SORCS2: variants seen among roughly 807,000 people sequenced by gnomAD.
SORCS2 encodes the protein sortilin related VPS10 domain containing receptor 2.
SORCS2 carries 100 observed loss-of-function variants against 141.6 expected under a neutral mutation model. The ratio of observed to expected loss-of-function variants is 0.71; its 90% CI spans 0.60 to 0.83. The LOEUF (loss-of-function observed/expected upper bound fraction) is 0.83, where lower values mean the gene tolerates loss of function less well. SORCS2 is among the 40% of genes least tolerant of loss of function. The pLI, the probability that SORCS2 is intolerant of heterozygous loss-of-function variation, is 0.00. For missense variants in SORCS2, 1,646 were observed against 1,560.2 expected (o/e 1.05, Z -0.93); for synonymous variants, 789 against 676.9 (o/e 1.17, Z -2.57).
intron 2 of SORCS2, among the ~76,000 whole-genome samples, chr4:7,491,796 G>A (rs542191882): frequency 1.3e-5 from 2 of 152,210 alleles, no homozygotes; most frequent in Non-Finnish European, 2.9e-5. Context: ...AAGTGGGAGG[G>A]TGAGGGCTGG....
At chr4:7,620,051 TTCC>T (rs1363720509) in intron 3 of SORCS2, among the ~76,000 whole-genome samples, 3 of 121,464 alleles carry the variant, frequency 2.5e-5, no homozygotes, top group Non-Finnish European at 5.5e-5. Context: ...CTCCTCCTCC[TTCC>T]TCTTCCTCCT....
At chr4:7,639,670 TGTGTGA>T (rs1317799186) in intron 4 of SORCS2, among the ~76,000 whole-genome samples, 7 of 150,768 alleles carry the variant, frequency 4.6e-5, no homozygotes, top group Admixed American at 6.6e-5. Flanking sequence ...TGTGCAAATG[TGTGTGA>T]GTGTGAGGGT....
At chr4:7,523,053 C>G (rs924728400) in intron 2 of SORCS2, among the ~76,000 whole-genome samples, 12 of 150,252 alleles carry the variant, frequency 8.0e-5, no homozygotes, top group African/African-American at 2.5e-4. Flanking sequence ...TCCCTCCTTC[C>G]TCCCCTTCTC....
At chr4:7,702,634 G>C (rs1360747743) in intron 12 of SORCS2, among the ~76,000 whole-genome samples, 1 of 152,254 alleles carries the variant, frequency 6.6e-6, no homozygotes, top group African/African-American at 2.4e-5. Flanking sequence ...GTCCCTTGGG[G>C]ATCTGGTGGT....
intron 8 of SORCS2, among the ~76,000 whole-genome samples, chr4:7,671,262 C>T (rs1039690959): frequency 2.6e-5 from 4 of 151,836 alleles, no homozygotes; most frequent in Admixed American, 1.3e-4. Context: ...TCTAACTGGA[C>T]ATTAGACTCA....
chr4:7,193,617 C>T lies in SORCS2; in HGVS notation c.480+491C>T, dbSNP rs755328156. Among the ~76,000 whole-genome samples the T allele has an allele frequency of 1.3e-5, 2 of 152,204 alleles. No individual in the cohort carries two copies. Among genetic ancestry groups the T allele is most frequent in the East Asian group, 1.9e-4 (1 of 5,174 alleles). Reference sequence around the variant, plus strand: ...GGCTCCGGGACTTCCCCGGTCAGCTCGAATCCTGTTCTGGGACTCTGGGAT... The same window carrying T: ...GGCTCCGGGACTTCCCCGGTCAGCTTGAATCCTGTTCTGGGACTCTGGGAT... On this transcript the variant is annotated intron_variant, in intron 1 of 26. Transcript: ENST00000507866. The surrounding 1 kb of genome is among the most constrained non-coding windows in gnomAD (Gnocchi z 4.8).
At position 7,301,501 on chromosome 4, in the gene SORCS2, C is replaced by T. The variant is rs114380676; in HGVS notation, c.481-94787C>T. On this transcript the variant is annotated intron_variant, in intron 1 of 26. Transcript: ENST00000507866. ...TTATGCACCAGAGAACTCAGTCCAG[C>T]GCTCAGGCGCTGGGCTGACCCCTGA... is the stretch of plus-strand genomic sequence containing the variant. 4.2e-3 allele frequency among the ~76,000 whole-genome samples: 643 copies of T among 152,320 alleles called. 3 individuals carry two copies. Among genetic ancestry groups the T allele is most frequent in the African/African-American group, 0.015 (625 of 41,586 alleles).
intron 3 of SORCS2, among the ~76,000 whole-genome samples, chr4:7,543,487 T>TCCATC (rs1712871004): frequency 8.8e-6 from 1 of 114,030 alleles, no homozygotes; most frequent in African/African-American, 3.6e-5. Context: ...ATTCACCCAC[T>TCCATC]CATCCATCCA....
intron 3 of SORCS2, among the ~76,000 whole-genome samples, chr4:7,608,964 C>T (rs1718228820): frequency 6.6e-6 from 1 of 152,126 alleles, no homozygotes; most frequent in Admixed American, 6.5e-5. Context: ...TTTCCAAAGT[C>T]ACTTCCCAAA....
chr4:7,388,023 C>G (rs1488868408), intron 1 of SORCS2, among the ~76,000 whole-genome samples: 1 of 122,844 alleles, frequency 8.1e-6, no homozygotes, highest in Non-Finnish European at 1.7e-5. Flanking sequence ...TACAGATACA[C>G]AGATACGCAC....
chr4:7,464,500 G>A (rs932066620), intron 2 of SORCS2, among the ~76,000 whole-genome samples: 1 of 152,148 alleles, frequency 6.6e-6, no homozygotes, highest in Admixed American at 6.5e-5. Context: ...TAACTAGCTT[G>A]GACTGAGCCC....
At chr4:7,430,063 T>C (rs1726726701) in intron 2 of SORCS2, among the ~76,000 whole-genome samples, 3 of 152,002 alleles carry the variant, frequency 2.0e-5, no homozygotes, top group Admixed American at 2.0e-4. Flanking sequence ...CCGCTTCTCG[T>C]TGTAAGGAAT....
At chr4:7,670,517 A>G (rs568326435) in intron 8 of SORCS2, among the ~76,000 whole-genome samples, 3 of 152,358 alleles carry the variant, frequency 2.0e-5, no homozygotes, top group Non-Finnish European at 4.4e-5. Context: ...CCGTATGAAT[A>G]AAGAAAGAAG....
At chr4:7,457,387 G>A (rs1480888271) in intron 2 of SORCS2, among the ~76,000 whole-genome samples, 1 of 152,216 alleles carries the variant, frequency 6.6e-6, no homozygotes, top group Non-Finnish European at 1.5e-5. Context: ...TTTGGCCAGG[G>A]AGCCGCGTGC....
At chr4:7,682,629 T>TG (rs1723595901) in intron 9 of SORCS2, 114 bp from the exon 10 acceptor site, 1 of 1,037,564 alleles carries the variant, frequency 9.6e-7, no homozygotes, top group East Asian at 2.6e-5. Flanking sequence ...ATTGTGACTG[T>TG]GAAATGAGGC....
At chr4:7,291,018 G>A (rs529951847) in intron 1 of SORCS2, among the ~76,000 whole-genome samples, 9 of 152,290 alleles carry the variant, frequency 5.9e-5, no homozygotes, top group African/African-American at 2.2e-4. Flanking sequence ...CCCAGGGGTT[G>A]GACAAGGTCT....
chr4:7,454,550 G>GGA (rs1728736433), intron 2 of SORCS2, among the ~76,000 whole-genome samples: 1 of 130,692 alleles, frequency 7.7e-6, no homozygotes, highest in Non-Finnish European at 1.6e-5. Context: ...GTTGGGGTCA[G>GGA]GCACTGTGTT....
chr4:7,322,459 C>T (rs1253701102), intron 1 of SORCS2, among the ~76,000 whole-genome samples: 8 of 152,192 alleles, frequency 5.3e-5, no homozygotes, highest in East Asian at 3.9e-4. Flanking sequence ...TACCGCGTCC[C>T]GCTGCACGGG....
chr4:7,378,781 C>T (rs1722814548), intron 1 of SORCS2, among the ~76,000 whole-genome samples: 2 of 152,172 alleles, frequency 1.3e-5, no homozygotes, highest in African/African-American at 4.8e-5. Flanking sequence ...TGCCCACCTC[C>T]CTCAGACCAC....
Sources: gnomAD v4.1 joint callset for allele counts (sites outside exome capture counted in the v4.1 genomes callset) on GRCh38, gnomAD v4.1.1 for gene constraint, Gnocchi (gnomAD v3.1) non-coding constraint, MANE v1.5 for transcripts, NCBI Gene and HGNC (gene_info 2026-07-23, HGNC 2026-07-21) for gene names.